ZSCAN31: variants seen among roughly 807,000 people sequenced by gnomAD.
ZSCAN31 encodes zinc finger and SCAN domain containing 31, also known as zinc finger and SCAN domain-containing protein 31.
In ZSCAN31, 14 loss-of-function variants were observed where a neutral mutation model predicts 22.5. The observed-to-expected ratio is 0.62, with a 90% confidence interval of 0.41 to 0.97. The LOEUF (loss-of-function observed/expected upper bound fraction) is 0.97, where lower values mean the gene tolerates loss of function less well. Ranked by LOEUF, ZSCAN31 falls within the 50% of genes least tolerant of loss-of-function variation. ZSCAN31 has a pLI of 0.00. For synonymous variants in ZSCAN31, 168 were observed against 169.8 expected (o/e 0.99, Z 0.08); for missense variants, 424 against 483.4 (o/e 0.88, Z 1.15).
chr6:28,343,542 C>CTT (rs34131321), intron 2 of ZSCAN31, among the ~76,000 whole-genome samples: 60 of 105,872 alleles, frequency 5.7e-4, no homozygotes, highest in Non-Finnish European at 7.7e-4. Context: ...TTTTTTCTTT[C>CTT]TTTTTTTTTT....
upstream of ZSCAN31, among the ~76,000 whole-genome samples, chr6:28,337,299 G>A (rs1029076217): frequency 6.6e-6 from 1 of 152,160 alleles, no homozygotes; most frequent in African/African-American, 2.4e-5. Flanking sequence ...TATGTGGCAG[G>A]GGCACCAGCT....
In ZSCAN31 at chr6:28,324,995, A is replaced by G. The variant is rs1409408715; in HGVS notation, c.*1171T>C. The G allele has an allele frequency of 2.6e-5, 4 of 152,186 alleles. No homozygotes were observed. In the East Asian group the frequency reaches 7.7e-4, roughly 29 times the overall value. The allele number at this position is 152,186 out of a possible 1,614,324, so 9.4% of individuals were successfully genotyped here. ...TTTAATCTTATGTACCCTATGAGGA[A>G]GGTATTGGTATCATCCTCTGTTTTA... is the stretch of plus-strand genomic sequence containing the variant. On this transcript the variant is annotated 3_prime_UTR_variant, in exon 4 of 4. Coordinates refer to ENST00000344279, the MANE Select transcript of ZSCAN31 (RefSeq NM_030899.5). This position sits in a 1 kb window ranked among gnomAD's most constrained non-coding sequence, Gnocchi z 4.8.
Position 28,346,082 on chromosome 6 carries a change from A to G in ZSCAN31, c.-370-4290T>C, listed in dbSNP as rs1764630277. ...AGGCTCCGTGAGTTCAAAAGTCTTT[A>G]TTCCTAGAAGAACACTTTCACCATG... On this transcript the variant is annotated intron_variant, in intron 2 of 7. Transcript: ENST00000396838. 2.6e-5 allele frequency among the ~76,000 whole-genome samples: 4 copies of G among 152,122 alleles called. No homozygotes were observed. In the South Asian group the frequency reaches 8.3e-4, roughly 32 times the overall value.
intron 2 of ZSCAN31, among the ~76,000 whole-genome samples, chr6:28,346,736 G>A (rs1488357176): frequency 1.3e-5 from 2 of 152,052 alleles, no homozygotes; most frequent in African/African-American, 2.4e-5. Context: ...GAGTGTTTTG[G>A]TCACCTACAA....
Position 28,325,835 on chromosome 6 carries a change from T to C in ZSCAN31, c.*331A>G, listed in dbSNP as rs1195820351. The stretch of plus-strand genomic sequence containing the variant: ...CAAAAACAGCCCCTCCATAACAATT[T>C]ATTTCCAGATAAGATTTGGTGCCTT... On this transcript the variant is annotated 3_prime_UTR_variant, in exon 4 of 4. Coordinates refer to ENST00000344279, the MANE Select transcript of ZSCAN31 (RefSeq NM_030899.5). 9.9e-6 allele frequency: 2 copies of C among 202,112 alleles called. No individual in the cohort carries two copies. Among genetic ancestry groups the C allele is most frequent in the Non-Finnish European group, 2.0e-5 (2 of 98,008 alleles). The allele number at this position is 202,112 out of a possible 1,614,324, so 12.5% of individuals were successfully genotyped here. A position where few individuals can be genotyped will look rare whatever the true frequency, so the allele number is the denominator to read the frequency against.
chr6:28,354,168 G>C, exon 1 of ZSCAN31: 1 of 351,548 alleles, frequency 2.8e-6, no homozygotes, highest in South Asian at 2.1e-5. Flanking sequence ...CTCTCTTACA[G>C]GGTCAGCAGT....
At position 28,329,502 on chromosome 6, in the gene ZSCAN31, C is replaced by T. The variant is rs148156232; in HGVS notation, c.182G>A (p.Arg61Gln). The change falls in exon 2 of 4, where the codon CGA becomes CAA. Residue 61 changes from arginine (R) to glutamine (Q), a missense_variant. Physicochemically the swap from Arg to Gln is conservative, Grantham distance 43. Transcript: ENST00000344279. Reference sequence around the variant, plus strand: ...CCTTAGCCACTGATGACAGAGTTCTCGGAGCCGGCTCAGAGCTTCTCGGGG... The same window carrying T: ...CCTTAGCCACTGATGACAGAGTTCTTGGAGCCGGCTCAGAGCTTCTCGGGG... ...PGPREALSRL[R>Q]ELCHQWLRPE... The T allele has an allele frequency of 4.1e-3, 6,679 of 1,614,210 alleles. 66 individuals are homozygous for T. Among genetic ancestry groups the T allele is most frequent in the South Asian group, 0.027 (2,462 of 91,072 alleles).
chr6:28,345,368 T>C (rs1764604611), intron 2 of ZSCAN31, among the ~76,000 whole-genome samples: 1 of 152,134 alleles, frequency 6.6e-6, no homozygotes, highest in Non-Finnish European at 1.5e-5. Flanking sequence ...GCCTCCATCA[T>C]TAGCTACCCC....
chr6:28,350,280 C>T (rs1473348145), intron 2 of ZSCAN31: 7 of 152,216 alleles, frequency 4.6e-5, no homozygotes, highest in African/African-American at 1.4e-4. Flanking sequence ...AGGGCCGTTA[C>T]CGAGTGTCCG....
chr6:28,350,572 A>G (rs1764932086), intron 2 of ZSCAN31, among the ~76,000 whole-genome samples: 1 of 151,964 alleles, frequency 6.6e-6, no homozygotes. Flanking sequence ...TCCCTAACTC[A>G]CTGGGTTGTT....
In ZSCAN31 at chr6:28,325,873, T is replaced by C. The variant is rs565910685; in HGVS notation, c.*293A>G. ...GATTTGGTGCCTTTAAAGGAAATCA[T>C]AAGAAATGGACCAAAGGCTAGGGAA... On this transcript the variant is annotated 3_prime_UTR_variant, in exon 4 of 4. Transcript: ENST00000344279. 3.2e-5 allele frequency: 8 copies of C among 253,552 alleles called. No individual in the cohort carries two copies. The highest frequency in any genetic ancestry group is 4.6e-5 in the Non-Finnish European group (6 of 131,182). 15.7% of individuals were successfully genotyped at this position (253,552 alleles called of 1,614,324 possible).
At chr6:28,329,822 T>A in intron 1 of ZSCAN31, 44 bp from the exon 2 acceptor site, 1 of 1,161,670 alleles carries the variant, frequency 8.6e-7, no homozygotes, top group Non-Finnish European at 1.2e-6. Flanking sequence ...AATCATAAAG[T>A]AGTGGGGAAA....
chr6:28,339,587 C>T (rs1269335436), upstream of ZSCAN31, among the ~76,000 whole-genome samples: 1 of 152,166 alleles, frequency 6.6e-6, no homozygotes, highest in Non-Finnish European at 1.5e-5. Flanking sequence ...CACGCCTAGC[C>T]TCCATTAATT....
At chr6:28,343,542 C>CTTTTTTTTTTTTT (rs34131321) in intron 2 of ZSCAN31, among the ~76,000 whole-genome samples, 1 of 105,876 alleles carries the variant, frequency 9.4e-6, no homozygotes, top group Non-Finnish European at 1.8e-5. Flanking sequence ...TTTTTTCTTT[C>CTTTTTTTTTTTTT]TTTTTTTTTT....
At chr6:28,350,536 A>C (rs893466324) in intron 2 of ZSCAN31, 1 of 152,092 alleles carries the variant, frequency 6.6e-6, no homozygotes. Flanking sequence ...GCCTCATTTT[A>C]CTATTTTGTA....
chr6:28,326,188 A>T lies in ZSCAN31; in HGVS notation c.1199T>A (p.Ile400Asn). The change falls in exon 4 of 4, where the codon ATC (isoleucine) becomes AAC (asparagine). Residue 400 changes from isoleucine to asparagine, a missense_variant. Physicochemically the swap from Ile to Asn is moderately radical, Grantham distance 149. Transcript: ENST00000344279. ...KRTLLKKHQKIHTGERP is the reference protein window; with the variant it reads ...KRTLLKKHQKNHTGERP ...CCCTTATGGTCTCTCTCCAGTGTGGATTTTCTGATGTTTCTTAAGAAGTGT... is the reference window on the plus strand; with the variant it reads ...CCCTTATGGTCTCTCTCCAGTGTGGTTTTTCTGATGTTTCTTAAGAAGTGT... 1.2e-6 allele frequency: 2 copies of T among 1,609,124 alleles called. No homozygotes were observed. Among genetic ancestry groups the T allele is most frequent in the South Asian group, 1.1e-5 (1 of 90,944 alleles).
At chr6:28,343,705 C>T (rs986151598) in intron 2 of ZSCAN31, among the ~76,000 whole-genome samples, 8 of 151,670 alleles carry the variant, frequency 5.3e-5, no homozygotes, top group Admixed American at 2.6e-4. Context: ...TTTTGTATTT[C>T]GTTTAGTAGA....
upstream of ZSCAN31, among the ~76,000 whole-genome samples, chr6:28,339,743 A>G (rs1244889552): frequency 2.0e-5 from 3 of 152,234 alleles, no homozygotes; most frequent in African/African-American, 7.2e-5. Flanking sequence ...CCAGATGCTA[A>G]AATTCTCTAT....
intron 2 of ZSCAN31, among the ~76,000 whole-genome samples, chr6:28,328,401 C>T (rs144315041): frequency 1.6e-3 from 248 of 152,312 alleles, no homozygotes; most frequent in African/African-American, 5.2e-3. Flanking sequence ...TACCCCCAGG[C>T]GCACATTCTC....
Sources: allele counts gnomAD v4.1 joint callset (sites outside exome capture counted in the v4.1 genomes callset), GRCh38; gene constraint gnomAD v4.1.1; non-coding constraint Gnocchi (gnomAD v3.1); transcripts MANE v1.5; gene names NCBI Gene and HGNC (gene_info 2026-07-23, HGNC 2026-07-21).